Variants in TENM2 observed in about 807,000 individuals in gnomAD.
TENM2 encodes the protein teneurin-2.
TENM2 carries 52 observed loss-of-function variants against 245.2 expected under a neutral mutation model. That is an observed-to-expected ratio of 0.21 (90% CI 0.17 to 0.27). TENM2 has a LOEUF of 0.27. Among genes scored for constraint, TENM2 ranks in the 10% least tolerant of loss-of-function variants. The pLI, the probability that TENM2 is intolerant of heterozygous loss-of-function variation, is 1.00. For missense variants in TENM2, 3,046 were observed against 3,666.8 expected, an observed-to-expected ratio of 0.83 and a Z score of 4.37; for synonymous variants, 1,363 against 1,438.9, an observed-to-expected ratio of 0.95 and a Z score of 1.19.
At chr5:166,982,120 GTCT>G in the TENM2 span, among the ~76,000 whole-genome samples, 12 of 152,026 alleles carry the variant, frequency 7.9e-5, no homozygotes, top group Admixed American at 5.2e-4. Flanking sequence ...ATTTCAACTG[GTCT>G]TCTTGTTAAA....
the TENM2 span, among the ~76,000 whole-genome samples, chr5:167,062,001 T>C: frequency 6.6e-6 from 1 of 151,878 alleles, no homozygotes; most frequent in Non-Finnish European, 1.5e-5. Flanking sequence ...GCTATGAAAT[T>C]GCAGGGATGT....
intron 1 of TENM2, among the ~76,000 whole-genome samples, chr5:167,367,902 A>AT (rs1581857697): frequency 6.6e-6 from 1 of 152,144 alleles, no homozygotes. Context: ...AATTTCTTTG[A>AT]TAAAAAGTAC....
chr5:167,829,267 C>G (rs1039257613), intron 2 of TENM2, among the ~76,000 whole-genome samples: 2 of 152,222 alleles, frequency 1.3e-5, no homozygotes, highest in Non-Finnish European at 2.9e-5. Context: ...ATCACACCTA[C>G]AGTGAGACAC....
chr5:167,918,530 A>G (rs1777118234), intron 3 of TENM2, among the ~76,000 whole-genome samples: 1 of 152,244 alleles, frequency 6.6e-6, no homozygotes, highest in Non-Finnish European at 1.5e-5. Context: ...TTTTGTCACC[A>G]TAAAGGCAGG....
chr5:167,378,099 C>T (rs151040691), intron 2 of TENM2, among the ~76,000 whole-genome samples: 97 of 151,732 alleles, frequency 6.4e-4, no homozygotes, highest in African/African-American at 2.0e-3. Context: ...GATTTTTCAC[C>T]GTGTTTACTT....
chr5:167,411,604 G>GTA (rs1762914368), intron 2 of TENM2, among the ~76,000 whole-genome samples: 4 of 150,588 alleles, frequency 2.7e-5, no homozygotes, highest in Non-Finnish European at 5.9e-5. Flanking sequence ...GTGTGTGTGT[G>GTA]TGTGTATGTA....
At chr5:168,092,412 G>A (rs1398916102) in intron 8 of TENM2, among the ~76,000 whole-genome samples, 3 of 152,116 alleles carry the variant, frequency 2.0e-5, no homozygotes, top group East Asian at 3.8e-4. Flanking sequence ...TATTGTCTAT[G>A]GCAGCTTTCC....
intron 1 of TENM2, among the ~76,000 whole-genome samples, chr5:167,293,368 A>ATTTTTTTTTTTTTTTTTTTTTT (rs199972172): frequency 7.7e-6 from 1 of 130,544 alleles, no homozygotes; most frequent in African/African-American, 2.9e-5. Flanking sequence ...TGTCCGGCTA[A>ATTTTTTTTTTTTTTTTTTTTTT]TTTTTTTTTT....
intron 2 of TENM2, among the ~76,000 whole-genome samples, chr5:167,730,361 A>G (rs979433556): frequency 6.6e-6 from 1 of 152,148 alleles, no homozygotes; most frequent in South Asian, 2.1e-4. Flanking sequence ...CTCATTTCCA[A>G]TTGTATATTG....
At chr5:168,016,427 T>A (rs1421768363) in intron 5 of TENM2, among the ~76,000 whole-genome samples, 1 of 152,266 alleles carries the variant, frequency 6.6e-6, no homozygotes, top group Non-Finnish European at 1.5e-5. Context: ...TCCTGCAACA[T>A]TTCAAGGAGC....
intron 24 of TENM2, among the ~76,000 whole-genome samples, chr5:168,226,960 T>C (rs1208919917): frequency 6.6e-6 from 1 of 152,224 alleles, no homozygotes; most frequent in Admixed American, 6.5e-5. Flanking sequence ...TCTGGACTAT[T>C]ATCCCACAGC....
At chr5:168,003,306 AACACACACAC>A (rs70976455) in intron 5 of TENM2, among the ~76,000 whole-genome samples, 3 of 90,542 alleles carry the variant, frequency 3.3e-5, no homozygotes, top group Non-Finnish European at 5.9e-5. Context: ...TTTAAGAAAA[AACACACACAC>A]ACACACACAC....
intron 25 of TENM2, among the ~76,000 whole-genome samples, chr5:168,240,020 C>T (rs563504507): frequency 8.5e-5 from 13 of 152,184 alleles, no homozygotes; most frequent in East Asian, 3.9e-4. Flanking sequence ...GAGTTTGAGA[C>T]GAGCCTGACC....
intron 2 of TENM2, among the ~76,000 whole-genome samples, chr5:167,671,538 G>C (rs1318401279): frequency 6.6e-6 from 1 of 152,050 alleles, no homozygotes; most frequent in East Asian, 1.9e-4. Flanking sequence ...CAAGTGATTT[G>C]ACATCGAGTT....
At position 167,705,993 on chromosome 5, in the gene TENM2, T is replaced by TATATA. The variant is rs1561690712; in HGVS notation, c.503-169993_503-169992insATATA. On this transcript the variant is annotated intron_variant, in intron 2 of 28. Coordinates refer to ENST00000518659, the Ensembl canonical transcript of TENM2. Reference sequence around the variant, plus strand: ...TATATATATATATATATATATATATTTATTTATTTATTTATTTACTTATTT... The same window carrying TATATA: ...TATATATATATATATATATATATATTATATATATTTATTTATTTATTTACTTATTT... Among the ~76,000 whole-genome samples the TATATA allele has an allele frequency of 4.1e-4, 27 of 66,460 alleles. No homozygotes were observed. The East Asian group carries it at 5.1e-3, about 12-fold the overall frequency. The allele number at this position is 66,460 out of a possible 152,430, so 43.6% of individuals were successfully genotyped here. A position where few individuals can be genotyped will look rare whatever the true frequency, so the allele number is the denominator to read the frequency against.
intron 2 of TENM2, among the ~76,000 whole-genome samples, chr5:167,603,512 G>C (rs949655260): frequency 4.6e-5 from 7 of 151,970 alleles, no homozygotes; most frequent in Admixed American, 6.6e-5. Context: ...GTGAAACCCC[G>C]TCTCTACAAA....
In TENM2 at chr5:168,110,272, A is replaced by G. The variant is rs147981815; in HGVS notation, c.1814-8020A>G. On this transcript the variant is annotated intron_variant, in intron 9 of 28. Transcript: ENST00000518659. ...GCTTTACCCTGTCTTGTCTCTCTAC[A>G]AAGTGACCAGTTGGAATAGTTTTCT... Among the ~76,000 whole-genome samples, 1,326 of 152,202 alleles carry G rather than the reference A, an allele frequency of 8.7e-3. 21 individuals are homozygous for G. The highest frequency in any genetic ancestry group is 0.03 in the African/African-American group (1,247 of 41,520).
chr5:168,131,732 C>CT (rs906309124), intron 12 of TENM2, among the ~76,000 whole-genome samples: 3 of 151,678 alleles, frequency 2.0e-5, no homozygotes, highest in South Asian at 2.1e-4. Context: ...GTTATGAAAA[C>CT]TTTTTTTTTC....
At chr5:167,544,315 G>A (rs568125043) in intron 2 of TENM2, among the ~76,000 whole-genome samples, 2 of 152,308 alleles carry the variant, frequency 1.3e-5, no homozygotes, top group East Asian at 1.9e-4. Context: ...TGATGGAAAA[G>A]CCACAGAGGA....
Sources: allele counts gnomAD v4.1 joint callset (sites outside exome capture counted in the v4.1 genomes callset), GRCh38; gene constraint gnomAD v4.1.1; transcripts MANE v1.5; gene names NCBI Gene and HGNC (gene_info 2026-07-23, HGNC 2026-07-21).